Variants in RLN2 observed in about 807,000 individuals in gnomAD.
RLN2 encodes the protein prorelaxin H2.
In RLN2, 10 loss-of-function variants were observed where a neutral mutation model predicts 7.3. That is an observed-to-expected ratio of 1.36 (90% CI 0.84 to 2.31). The LOEUF is 2.31. RLN2 is among the 30% of genes most tolerant of loss of function. The pLI is 0.00. For missense variants in RLN2, 298 were observed against 217.6 expected, an observed-to-expected ratio of 1.37 and a Z score of -2.32; for synonymous variants, 103 against 82.3, an observed-to-expected ratio of 1.25 and a Z score of -1.36.
At chr9:5,334,239 A>G in the RLN2 span, among the ~76,000 whole-genome samples, 1 of 152,100 alleles carries the variant, frequency 6.6e-6, no homozygotes, top group Non-Finnish European at 1.5e-5. Flanking sequence ...GTTTGTTTGC[A>G]GATGACATGG....
At chr9:5,328,753 T>C in the RLN2 span, among the ~76,000 whole-genome samples, 1 of 109,606 alleles carries the variant, frequency 9.1e-6, no homozygotes, top group East Asian at 2.4e-4. Flanking sequence ...CGGGGGCCAA[T>C]ATTCAACATT....
At chr9:5,333,425 G>C in the RLN2 span, among the ~76,000 whole-genome samples, 1 of 151,952 alleles carries the variant, frequency 6.6e-6, no homozygotes. Flanking sequence ...AAATCTAGAA[G>C]AAATGGGTAC....
chr9:5,329,388 T>A, the RLN2 span, among the ~76,000 whole-genome samples: 87 of 147,382 alleles, frequency 5.9e-4, no homozygotes, highest in African/African-American at 2.1e-3. Flanking sequence ...AATGATGGGA[T>A]CAAATTTAAA....
At chr9:5,312,919 C>G in the RLN2 span, among the ~76,000 whole-genome samples, 1 of 151,964 alleles carries the variant, frequency 6.6e-6, no homozygotes, top group East Asian at 1.9e-4. Context: ...TTTCTAGTTT[C>G]ATGACATTGT....
chr9:5,323,875 C>G, the RLN2 span, among the ~76,000 whole-genome samples: 145 of 151,858 alleles, frequency 9.5e-4, 1 homozygote, highest in African/African-American at 3.3e-3. Flanking sequence ...GGCTAAACTG[C>G]GTGTCTACTA....
chr9:5,336,884 C>G, the RLN2 span, among the ~76,000 whole-genome samples: 2 of 151,920 alleles, frequency 1.3e-5, no homozygotes. Flanking sequence ...ACCTAGACAG[C>G]GGTAGTTCTG....
the RLN2 span, among the ~76,000 whole-genome samples, chr9:5,322,355 C>T: frequency 6.6e-6 from 1 of 151,856 alleles, no homozygotes; most frequent in African/African-American, 2.4e-5. Flanking sequence ...TGCCAGGGAC[C>T]CTCCAGAAGC....
chr9:5,311,966 C>A, the RLN2 span, among the ~76,000 whole-genome samples: 5 of 151,906 alleles, frequency 3.3e-5, no homozygotes, highest in African/African-American at 9.7e-5. Flanking sequence ...AAACAAACAA[C>A]CCCATCAAAA....
the RLN2 span, chr9:5,335,247 C>A: frequency 6.4e-7 from 1 of 1,559,878 alleles, no homozygotes; most frequent in Non-Finnish European, 8.7e-7. Context: ...CAATTAGCTT[C>A]ATCTCAGCAA....
upstream of RLN2, among the ~76,000 whole-genome samples, chr9:5,306,598 C>T (rs1816256650): frequency 6.6e-6 from 1 of 151,970 alleles, no homozygotes; most frequent in Non-Finnish European, 1.5e-5. Context: ...ACAGGCACAA[C>T]TAAAAGGCAT....
the RLN2 span, among the ~76,000 whole-genome samples, chr9:5,334,740 G>T: frequency 6.6e-6 from 1 of 151,728 alleles, no homozygotes; most frequent in African/African-American, 2.4e-5. Flanking sequence ...AAATTAAAAA[G>T]GAAAAAAAAT....
chr9:5,315,820 T>A, the RLN2 span, among the ~76,000 whole-genome samples: 1 of 151,994 alleles, frequency 6.6e-6, no homozygotes, highest in Non-Finnish European at 1.5e-5. Flanking sequence ...GAAAAAAATT[T>A]TCAGGTGAGA....
At position 5,304,510 on chromosome 9, in the gene RLN2, G is replaced by A; in HGVS notation, c.71C>T (p.Ala24Val). 6.2e-7 allele frequency: 1 copy of A among 1,613,872 alleles called. No homozygotes were observed. The highest frequency in any genetic ancestry group is 8.5e-7 in the Non-Finnish European group (1 of 1,179,938). ...LLLNQFSRAV[A>V]DSWMEEVIKL... The stretch of plus-strand genomic sequence containing the variant: ...AATAACTTCCTCCATCCATGAGTCC[G>A]CGACTGCTCTGGAAAATTGGTTCAG... The change falls in exon 1 of 2, where the codon GCG becomes GTG. Residue 24 changes from alanine to valine, a missense_variant. By Grantham distance (64) the Ala-to-Val change is moderately conservative. Coordinates refer to ENST00000381627, the MANE Select transcript of RLN2 (RefSeq NM_134441.3).
chr9:5,311,739 G>GTA, the RLN2 span: 1 of 1,038,660 alleles, frequency 9.6e-7, no homozygotes, highest in Non-Finnish European at 1.5e-6. Context: ...TTTGATAACT[G>GTA]TATACTTCTG....
the RLN2 span, chr9:5,311,571 A>C: frequency 2.5e-6 from 2 of 791,806 alleles, no homozygotes; most frequent in Non-Finnish European, 4.5e-6. Flanking sequence ...AAGCCTAAAA[A>C]CGCCCATGCA....
At chr9:5,305,666 A>G (rs1816235526), upstream of RLN2, among the ~76,000 whole-genome samples, 1 of 152,064 alleles carries the variant, frequency 6.6e-6, no homozygotes, top group African/African-American at 2.4e-5. Flanking sequence ...TTTTTAAAAT[A>G]ACTTACTTGC....
At chr9:5,302,337 G>GT (rs1816165302) in intron 1 of RLN2, among the ~76,000 whole-genome samples, 1 of 152,044 alleles carries the variant, frequency 6.6e-6, no homozygotes, top group South Asian at 2.1e-4. Context: ...GGTTTAAAGG[G>GT]TATCTTATTT....
Position 5,302,387 on chromosome 9 carries a change from T to C in RLN2, c.212-1943A>G, listed in dbSNP as rs1256320778. On this transcript the variant is annotated intron_variant, in intron 1 of 1. Transcript: ENST00000381627. ...GTGAATATGATTTTAGCACATATTG[T>C]AGGATGAAATGGATGGCTAACAATG... is the stretch of plus-strand genomic sequence containing the variant. 1.1e-4 allele frequency among the ~76,000 whole-genome samples: 17 copies of C among 152,310 alleles called. No homozygotes were observed. The East Asian group carries it at 2.9e-3, about 26-fold the overall frequency.
chr9:5,300,691 C>T (rs1225710527), intron 1 of RLN2, among the ~76,000 whole-genome samples: 1 of 152,150 alleles, frequency 6.6e-6, no homozygotes, highest in African/African-American at 2.4e-5. Flanking sequence ...CTTCATGATC[C>T]CCTCAGTGCT....
Sources: allele counts gnomAD v4.1 joint callset (sites outside exome capture counted in the v4.1 genomes callset), GRCh38; gene constraint gnomAD v4.1.1; transcripts MANE v1.5; gene names NCBI Gene and HGNC (gene_info 2026-07-23, HGNC 2026-07-21).